Variants in ERC2 observed in about 807,000 individuals in gnomAD.
The protein encoded by ERC2 is ERC protein 2.
Under a neutral mutation model 114.8 loss-of-function variants are expected in ERC2, and 42 were observed. That is an observed-to-expected ratio of 0.37 (90% CI 0.29 to 0.47). The LOEUF (loss-of-function observed/expected upper bound fraction) is 0.47, where lower values mean the gene tolerates loss of function less well. Ranked by LOEUF, ERC2 falls within the 20% of genes least tolerant of loss-of-function variation. The pLI is 0.99. For synonymous variants in ERC2, 454 were observed against 425.5 expected (o/e 1.07, Z -0.82); for missense variants, 939 against 1,150.7 (o/e 0.82, Z 2.66).
intron 3 of ERC2, among the ~76,000 whole-genome samples, chr3:56,246,656 T>G (rs1234130616): frequency 6.6e-6 from 1 of 152,108 alleles, no homozygotes; most frequent in Non-Finnish European, 1.5e-5. Flanking sequence ...AATGATGTCT[T>G]GAACCCGATT....
At position 56,025,637 on chromosome 3, in the gene ERC2, C is replaced by G. The variant is rs1576606622; in HGVS notation, c.1642-6606G>C. On this transcript the variant is annotated intron_variant, in intron 7 of 17. Transcript: ENST00000288221. ...TATCTCTGACTTCCCTGTCTCTGAC[C>G]TCTAGCCCCAGATTTACTGCGCTCA... 5.3e-5 allele frequency among the ~76,000 whole-genome samples: 8 copies of G among 152,308 alleles called. 1 individual carries two copies. The highest frequency in any genetic ancestry group is 5.2e-4 in the Admixed American group (8 of 15,304).
At chr3:55,908,218 G>GA (rs564389571) in intron 13 of ERC2, among the ~76,000 whole-genome samples, 3 of 152,042 alleles carry the variant, frequency 2.0e-5, no homozygotes, top group South Asian at 2.1e-4. Flanking sequence ...GAATTTTCCT[G>GA]AAAAAAATCT....
At chr3:55,585,519 ATCCCCTCTCT>A (rs1282057942) in intron 17 of ERC2, among the ~76,000 whole-genome samples, 1 of 152,200 alleles carries the variant, frequency 6.6e-6, no homozygotes, top group Non-Finnish European at 1.5e-5. Context: ...ATCTCCCAAC[ATCCCCTCTCT>A]TCCCCTCTCT....
intron 12 of ERC2, among the ~76,000 whole-genome samples, chr3:55,971,398 T>A (rs1334685690): frequency 1.3e-5 from 2 of 152,154 alleles, no homozygotes; most frequent in Non-Finnish European, 2.9e-5. Flanking sequence ...TTAAATGCTA[T>A]AAAAAAGTTT....
chr3:55,998,966 C>A (rs1008935140), intron 10 of ERC2, among the ~76,000 whole-genome samples: 4 of 152,042 alleles, frequency 2.6e-5, no homozygotes, highest in African/African-American at 9.7e-5. Flanking sequence ...AAGGTTGCAC[C>A]CAGTGCCTCC....
intron 14 of ERC2, among the ~76,000 whole-genome samples, chr3:55,820,649 C>T (rs1340837985): frequency 6.6e-6 from 1 of 152,136 alleles, no homozygotes; most frequent in Admixed American, 6.6e-5. Context: ...AGGTAGCATA[C>T]CCAAGGTTAC....
intron 14 of ERC2, among the ~76,000 whole-genome samples, chr3:55,835,144 T>G (rs544236322): frequency 6.6e-6 from 1 of 152,024 alleles, no homozygotes; most frequent in South Asian, 2.1e-4. Context: ...CAGGACCAGA[T>G]GGATTCACAG....
chr3:55,532,121 T>C (rs1176274366), intron 17 of ERC2, among the ~76,000 whole-genome samples: 1 of 152,184 alleles, frequency 6.6e-6, no homozygotes, highest in African/African-American at 2.4e-5. Context: ...GGCATAAAGA[T>C]ATCAAGGGCC....
At position 55,965,634 on chromosome 3, in the gene ERC2, C is replaced by T. The variant is rs540080009; in HGVS notation, c.2268-15074G>A. 5.3e-5 allele frequency among the ~76,000 whole-genome samples: 8 copies of T among 152,256 alleles called. 1 individual carries two copies. The South Asian group carries it at 1.7e-3, about 32-fold the overall frequency. Reference sequence around the variant, plus strand: ...TTTTTCCATTGTCCAAAACTTCTTCCAAACTATTTTCATTAATGCAACTTA... The same window carrying T: ...TTTTTCCATTGTCCAAAACTTCTTCTAAACTATTTTCATTAATGCAACTTA... On this transcript the variant is annotated intron_variant, in intron 12 of 17. Transcript: ENST00000288221.
intron 3 of ERC2, among the ~76,000 whole-genome samples, chr3:56,291,076 G>C (rs1050842894): frequency 2.6e-5 from 4 of 152,216 alleles, no homozygotes; most frequent in Non-Finnish European, 5.9e-5. Flanking sequence ...CTAAGGACCA[G>C]TCAAGAAAAT....
intron 17 of ERC2, among the ~76,000 whole-genome samples, chr3:55,625,498 T>C (rs1199403047): frequency 6.6e-6 from 1 of 151,280 alleles, no homozygotes; most frequent in African/African-American, 2.4e-5. Context: ...ACGCCTGTAA[T>C]CCCAGCACTT....
chr3:55,848,158 G>GA (rs2061441022), intron 14 of ERC2, among the ~76,000 whole-genome samples: 2 of 152,048 alleles, frequency 1.3e-5, no homozygotes, highest in Admixed American at 6.5e-5. Flanking sequence ...CTAAGTAACT[G>GA]AAAAAACTTC....
intron 2 of ERC2, among the ~76,000 whole-genome samples, chr3:56,311,392 C>G (rs1353777989): frequency 1.6e-5 from 2 of 125,388 alleles, no homozygotes; most frequent in Admixed American, 1.6e-4. Context: ...CTCTGCCTCC[C>G]AGGTTCAGCC....
At chr3:55,571,847 A>G (rs1488123054) in intron 17 of ERC2, among the ~76,000 whole-genome samples, 1 of 152,190 alleles carries the variant, frequency 6.6e-6, no homozygotes, top group Non-Finnish European at 1.5e-5. Flanking sequence ...GTGCTCAATT[A>G]ATACCTGCAG....
intron 1 of ERC2, among the ~76,000 whole-genome samples, chr3:56,442,218 G>A (rs1024053980): frequency 6.6e-6 from 1 of 151,848 alleles, no homozygotes; most frequent in African/African-American, 2.4e-5. Context: ...ACCTAAAGAA[G>A]TATTTTTTTA....
chr3:55,869,544 C>T (rs1467810568), intron 14 of ERC2, among the ~76,000 whole-genome samples: 1 of 152,136 alleles, frequency 6.6e-6, no homozygotes, highest in African/African-American at 2.4e-5. Context: ...TCCCCAAATT[C>T]TTCCACCACA....
chr3:55,775,467 G>A (rs779388075), intron 14 of ERC2, among the ~76,000 whole-genome samples: 9 of 151,738 alleles, frequency 5.9e-5, no homozygotes, highest in Non-Finnish European at 1.3e-4. Flanking sequence ...GGAGAATGAG[G>A]CTGCAGCGAA....
intron 1 of ERC2, among the ~76,000 whole-genome samples, chr3:56,437,395 C>T (rs1178122281): frequency 6.6e-6 from 1 of 152,246 alleles, no homozygotes; most frequent in Non-Finnish European, 1.5e-5. Context: ...TTGATAAATG[C>T]TTCTTAGTAT....
rs572819257 is a variant in ERC2, at chr3:56,086,725, CA to C, written c.1474-5742del. The stretch of plus-strand genomic sequence containing the variant: ...TATTAAAAATTAGAATATCTAGTTC[CA>C]AATTAGGTATCAATGACTGAAATTA... On this transcript the variant is annotated intron_variant, in intron 6 of 17. Transcript: ENST00000288221. 1.2e-3 allele frequency among the ~76,000 whole-genome samples: 187 copies of C among 152,138 alleles called. 2 individuals carry two copies. The highest frequency in any genetic ancestry group is 4.3e-3 in the African/African-American group (179 of 41,528).
Sources: gnomAD v4.1 joint callset for allele counts (sites outside exome capture counted in the v4.1 genomes callset) on GRCh38, gnomAD v4.1.1 for gene constraint, MANE v1.5 for transcripts, NCBI Gene and HGNC (gene_info 2026-07-23, HGNC 2026-07-21) for gene names.